The following CPNE3 variants were observed in gnomAD, a reference collection of about 807,000 sequenced individuals.
CPNE3 encodes the protein copine-3.
In CPNE3, 68 loss-of-function variants were observed where a neutral mutation model predicts 63.9. The ratio of observed to expected loss-of-function variants is 1.06; its 90% CI spans 0.87 to 1.30. The LOEUF (loss-of-function observed/expected upper bound fraction) is 1.30, where lower values mean the gene tolerates loss of function less well. Among genes scored for constraint, CPNE3 ranks in the 50% most tolerant of loss-of-function variants. CPNE3 has a pLI of 0.00. For synonymous variants in CPNE3, 219 were observed against 197.5 expected (o/e 1.11, Z -0.91); for missense variants, 665 against 578.1 (o/e 1.15, Z -1.54).
At chr8:86,526,803 T>C (rs1303661638) in intron 2 of CPNE3, among the ~76,000 whole-genome samples, 1 of 152,190 alleles carries the variant, frequency 6.6e-6, no homozygotes, top group Non-Finnish European at 1.5e-5. Flanking sequence ...TGAGCTGCCG[T>C]GCCCGGCCAG....
intron 2 of CPNE3, among the ~76,000 whole-genome samples, chr8:86,519,981 G>T (rs577859532): frequency 6.6e-6 from 1 of 152,278 alleles, no homozygotes; most frequent in East Asian, 1.9e-4. Context: ...CAAAGTGCTG[G>T]GATTACAGGC....
chr8:86,522,126 T>C (rs1820446619), intron 2 of CPNE3, among the ~76,000 whole-genome samples: 3 of 152,180 alleles, frequency 2.0e-5, no homozygotes, highest in Admixed American at 6.5e-5. Context: ...GCAAATTCTT[T>C]TTGTAGTGGA....
At chr8:86,518,972 G>A (rs1327883476) in intron 2 of CPNE3, among the ~76,000 whole-genome samples, 1 of 152,090 alleles carries the variant, frequency 6.6e-6, no homozygotes, top group Non-Finnish European at 1.5e-5. Context: ...GTTTAGCCAT[G>A]TTGTCCAGGC....
chr8:86,522,853 A>C (rs1820465553), intron 2 of CPNE3, among the ~76,000 whole-genome samples: 1 of 152,126 alleles, frequency 6.6e-6, no homozygotes, highest in Admixed American at 6.5e-5. Flanking sequence ...GTAGATAGGC[A>C]CCGACTTCTC....
rs930726261 is a variant in CPNE3 at position 86,532,693 on chromosome 8, A to T, written c.459+113A>T. The T allele has an allele frequency of 5.7e-6, 5 of 878,328 alleles. No individual in the cohort carries two copies. In the African/African-American group the frequency reaches 8.5e-5, roughly 15 times the overall value. 54.4% of individuals were successfully genotyped at this position (878,328 alleles called of 1,614,324 possible). On this transcript the variant is annotated intron_variant, in intron 6 of 16. Coordinates refer to ENST00000517490, the MANE Select transcript of CPNE3 (RefSeq NM_003909.5). ...ATCATTGAGCATCACATAGGGTACT[A>T]GTTACTTTCAAATTTTGCATGTGTG...
chr8:86,517,497 G>A (rs1466800228), intron 2 of CPNE3, among the ~76,000 whole-genome samples: 4 of 152,098 alleles, frequency 2.6e-5, no homozygotes, highest in Non-Finnish European at 5.9e-5. Flanking sequence ...GTTAAAAGAG[G>A]TACCTGCAAC....
At position 86,558,572 on chromosome 8, in the gene CPNE3, G is replaced by T. The variant is rs187829008; in HGVS notation, c.*162G>T. 6.7e-6 allele frequency: 4 copies of T among 598,180 alleles called. No individual in the cohort carries two copies. In the Admixed American group the frequency reaches 8.2e-5, roughly 12 times the overall value. The allele number at this position is 598,180 out of a possible 1,614,324, so 37.1% of individuals were successfully genotyped here. A position where few individuals can be genotyped will look rare whatever the true frequency, so the allele number is the denominator to read the frequency against. The stretch of plus-strand genomic sequence containing the variant: ...AAAGCATTCTTTCTAGGTTATTTTG[G>T]GGGGACAGTGCCAAGTCCATCTTTG... On this transcript the variant is annotated 3_prime_UTR_variant, in exon 17 of 17. Coordinates refer to ENST00000517490, the MANE Select transcript of CPNE3 (RefSeq NM_003909.5).
At chr8:86,525,714 T>C (rs1216185795) in intron 2 of CPNE3, among the ~76,000 whole-genome samples, 1 of 152,230 alleles carries the variant, frequency 6.6e-6, no homozygotes, top group African/African-American at 2.4e-5. Context: ...TCATTCTCTG[T>C]TGAATTCTTC....
rs772641030 is a variant in CPNE3, at chr8:86,544,823, C to T, written c.717C>T (p.Ala239=). The change falls in exon 9 of 17, where the codon GCC becomes GCT. Residue 239 remains alanine, a synonymous_variant. Transcript: ENST00000517490. ...CCACCATGACAAAACTGAAAGAAGC[C>T]TCCAGAAGCTCACCTGTAAGTTACA... The part of the protein sequence containing the change: ...FQTTMTKLKE[A]SRSSPVEFEC... 3.1e-6 allele frequency: 5 copies of T among 1,587,340 alleles called. No homozygotes were observed. The highest frequency in any genetic ancestry group is 2.3e-5 in the East Asian group (1 of 43,430).
chr8:86,533,931 C>G (rs1031956124), intron 6 of CPNE3, among the ~76,000 whole-genome samples: 7 of 151,910 alleles, frequency 4.6e-5, no homozygotes, highest in African/African-American at 1.7e-4. Context: ...GGAATTTATT[C>G]AATGGAGAAA....
intron 2 of CPNE3, among the ~76,000 whole-genome samples, chr8:86,516,321 G>A (rs1263359406): frequency 1.3e-5 from 2 of 152,200 alleles, no homozygotes; most frequent in African/African-American, 4.8e-5. Flanking sequence ...GCCATTAAGG[G>A]TTGCATAATG....
Position 86,558,469 on chromosome 8 carries a change from G to A in CPNE3, c.*59G>A, listed in dbSNP as rs528600033. 4.6e-5 allele frequency: 40 copies of A among 867,374 alleles called. No homozygotes were observed. The highest frequency in any genetic ancestry group is 2.4e-4 in the South Asian group (18 of 76,230). The allele number at this position is 867,374 out of a possible 1,614,324, so 53.7% of individuals were successfully genotyped here. A position where few individuals can be genotyped will look rare whatever the true frequency, so the allele number is the denominator to read the frequency against. On this transcript the variant is annotated 3_prime_UTR_variant, in exon 17 of 17. Coordinates refer to ENST00000517490, the MANE Select transcript of CPNE3 (RefSeq NM_003909.5). ...GCAATGCCATCTCTCACCCCAAATC[G>A]TGTATCTGTCATTCTACGTACTTTT... is the stretch of plus-strand genomic sequence containing the variant.
chr8:86,523,018 G>A (rs72690447), intron 2 of CPNE3, among the ~76,000 whole-genome samples: 36,833 of 152,042 alleles, frequency 0.24, 4,628 homozygotes, highest in Non-Finnish European at 0.27. Flanking sequence ...CTTTTCATAA[G>A]TAAGGATGAG....
intron 14 of CPNE3, among the ~76,000 whole-genome samples, chr8:86,553,138 A>G (rs956056074): frequency 6.6e-6 from 1 of 151,778 alleles, no homozygotes; most frequent in Non-Finnish European, 1.5e-5. Context: ...TGCTGAGATT[A>G]TAGGCATGAG....
At chr8:86,548,189 G>A (rs1420666740) in intron 11 of CPNE3, 112 bp from the exon 12 acceptor site, 25 of 1,099,008 alleles carry the variant, frequency 2.3e-5, no homozygotes, top group Non-Finnish European at 3.2e-5. Flanking sequence ...CATTTGTTAG[G>A]AAGTAGGCGC....
chr8:86,524,513 G>A (rs1381197245), intron 2 of CPNE3, among the ~76,000 whole-genome samples: 1 of 152,098 alleles, frequency 6.6e-6, no homozygotes, highest in Non-Finnish European at 1.5e-5. Context: ...GGAAGCTGTT[G>A]TCTAATCCTA....
At chr8:86,516,800 C>A (rs1412709587) in intron 2 of CPNE3, among the ~76,000 whole-genome samples, 1 of 151,966 alleles carries the variant, frequency 6.6e-6, no homozygotes, top group Non-Finnish European at 1.5e-5. Flanking sequence ...TTTTTTCCTC[C>A]CTTTCAAATG....
intron 2 of CPNE3, among the ~76,000 whole-genome samples, chr8:86,522,486 C>T (rs578218490): frequency 1.3e-5 from 2 of 149,020 alleles, no homozygotes; most frequent in East Asian, 2.0e-4. Flanking sequence ...CTAGTCTGAC[C>T]TGGGAACTCT....
intron 2 of CPNE3, among the ~76,000 whole-genome samples, chr8:86,520,897 C>T (rs1172770381): frequency 6.6e-6 from 1 of 152,020 alleles, no homozygotes; most frequent in African/African-American, 2.4e-5. Flanking sequence ...AGGTGATCTG[C>T]CCAGTCCATT....
Sources: allele counts gnomAD v4.1 joint callset (sites outside exome capture counted in the v4.1 genomes callset), GRCh38; gene constraint gnomAD v4.1.1; transcripts MANE v1.5; gene names NCBI Gene and HGNC (gene_info 2026-07-23, HGNC 2026-07-21).